The following CCDC91 variants were observed in gnomAD, a reference collection of about 807,000 sequenced individuals.
The protein encoded by CCDC91 is coiled-coil domain-containing protein 91.
Under a neutral mutation model 63.2 loss-of-function variants are expected in CCDC91, and 48 were observed. That is an observed-to-expected ratio of 0.76 (90% CI 0.60 to 0.97). The LOEUF (loss-of-function observed/expected upper bound fraction) is 0.97, where lower values mean the gene tolerates loss of function less well. Ranked by LOEUF, CCDC91 falls within the 50% of genes least tolerant of loss-of-function variation. CCDC91 has a pLI of 0.00. For synonymous variants in CCDC91, 167 were observed against 165.8 expected (o/e 1.01, Z -0.06); for missense variants, 500 against 494.6 (o/e 1.01, Z -0.10).
intron 12 of CCDC91, among the ~76,000 whole-genome samples, chr12:28,496,571 G>A (rs983336394): frequency 1.3e-4 from 20 of 151,590 alleles, no homozygotes; most frequent in Non-Finnish European, 1.2e-4. Context: ...AAGTTGCTGT[G>A]GTTACTGAAG....
At chr12:28,326,372 T>C (rs1405931519) in intron 6 of CCDC91, among the ~76,000 whole-genome samples, 1 of 135,712 alleles carries the variant, frequency 7.4e-6, no homozygotes, top group African/African-American at 2.6e-5. Context: ...TTTTTATTTT[T>C]ATTTTTTATG....
chr12:28,215,102 A>C (rs1318422684), intron 1 of CCDC91, among the ~76,000 whole-genome samples: 20 of 152,174 alleles, frequency 1.3e-4, no homozygotes, highest in Admixed American at 1.3e-3. Context: ...ATAATAAGAA[A>C]CTGCTACTTC....
chr12:28,225,525 AC>A (rs1944213180), intron 1 of CCDC91, among the ~76,000 whole-genome samples: 1 of 151,672 alleles, frequency 6.6e-6, no homozygotes, highest in Non-Finnish European at 1.5e-5. Flanking sequence ...ATCTCGGCTC[AC>A]TGCAACCTCC....
At chr12:28,259,835 A>G (rs890529872) in intron 3 of CCDC91, among the ~76,000 whole-genome samples, 2 of 151,946 alleles carry the variant, frequency 1.3e-5, no homozygotes, top group African/African-American at 2.4e-5. Context: ...TGTGTTTGCA[A>G]TAAAATTACT....
At chr12:28,228,989 G>C (rs1247265648) in intron 1 of CCDC91, among the ~76,000 whole-genome samples, 3 of 152,036 alleles carry the variant, frequency 2.0e-5, no homozygotes, top group Non-Finnish European at 4.4e-5. Flanking sequence ...CAACATAAAA[G>C]TATCTTATTT....
chr12:28,531,683 T>C (rs182110207), intron 12 of CCDC91, among the ~76,000 whole-genome samples: 15 of 152,344 alleles, frequency 9.8e-5, no homozygotes, highest in Admixed American at 8.5e-4. Context: ...CTTTAGTTTT[T>C]TGGAGCAATT....
At chr12:28,239,784 A>T (rs988229007) in intron 1 of CCDC91, among the ~76,000 whole-genome samples, 7 of 152,276 alleles carry the variant, frequency 4.6e-5, no homozygotes, top group Non-Finnish European at 5.9e-5. Flanking sequence ...ATAAATGAAA[A>T]AGAACTTATA....
intron 1 of CCDC91, among the ~76,000 whole-genome samples, chr12:28,248,750 G>A (rs1945926548): frequency 6.6e-6 from 1 of 152,166 alleles, no homozygotes; most frequent in Non-Finnish European, 1.5e-5. Flanking sequence ...GGAGGACACT[G>A]TATTTGAGGA....
At chr12:28,460,917 C>T (rs1304834989) in intron 11 of CCDC91, among the ~76,000 whole-genome samples, 1 of 151,838 alleles carries the variant, frequency 6.6e-6, no homozygotes, top group Admixed American at 6.6e-5. Flanking sequence ...GGGATACATT[C>T]TGAGAAATGC....
chr12:28,460,271 A>G (rs1445653376), intron 11 of CCDC91, among the ~76,000 whole-genome samples: 1 of 152,168 alleles, frequency 6.6e-6, no homozygotes, highest in East Asian at 1.9e-4. Context: ...TTTGCGTACT[A>G]GATGGAGCCC....
chr12:28,420,121 A>C (rs1191673125), intron 8 of CCDC91, among the ~76,000 whole-genome samples: 2 of 152,104 alleles, frequency 1.3e-5, no homozygotes, highest in Non-Finnish European at 2.9e-5. Flanking sequence ...TATTCAGTAA[A>C]ATTTAGGAAG....
intron 6 of CCDC91, among the ~76,000 whole-genome samples, chr12:28,329,884 T>A (rs1464606823): frequency 6.6e-6 from 1 of 152,124 alleles, no homozygotes; most frequent in Non-Finnish European, 1.5e-5. Context: ...TCTGTCCTTG[T>A]GATAGTTTGC....
rs142009986 is a variant in CCDC91, at chr12:28,530,915, A to G, written c.1216-18148A>G. ...CCAGTGCAACAGTGTTATGCCAGTTATAAGAGGGCTTGAGGCTCTCTCTCA... is the reference window on the plus strand; with the variant it reads ...CCAGTGCAACAGTGTTATGCCAGTTGTAAGAGGGCTTGAGGCTCTCTCTCA... On this transcript the variant is annotated intron_variant, in intron 12 of 12. Coordinates refer to ENST00000536442, the MANE Select transcript of CCDC91 (RefSeq NM_018318.5). 1.1e-4 allele frequency among the ~76,000 whole-genome samples: 17 copies of G among 152,286 alleles called. No homozygotes were observed. In the East Asian group the frequency reaches 3.3e-3, roughly 29 times the overall value.
At chr12:28,479,981 T>C (rs1485744030) in intron 11 of CCDC91, among the ~76,000 whole-genome samples, 3 of 152,022 alleles carry the variant, frequency 2.0e-5, no homozygotes, top group Non-Finnish European at 4.4e-5. Flanking sequence ...ATCTCCATGC[T>C]ATTATTGGTA....
chr12:28,468,430 G>A (rs756748836), intron 11 of CCDC91, among the ~76,000 whole-genome samples: 2 of 151,534 alleles, frequency 1.3e-5, no homozygotes, highest in African/African-American at 2.4e-5. Flanking sequence ...TAAGAAATAA[G>A]GAGATTAAAG....
chr12:28,528,781 A>T (rs1160139246), intron 12 of CCDC91, among the ~76,000 whole-genome samples: 1 of 152,038 alleles, frequency 6.6e-6, no homozygotes, highest in African/African-American at 2.4e-5. Context: ...TTGCCCTGTC[A>T]CTCAGGCTGG....
At chr12:28,548,200 C>T (rs1428280610) in intron 12 of CCDC91, among the ~76,000 whole-genome samples, 3 of 152,020 alleles carry the variant, frequency 2.0e-5, no homozygotes, top group Admixed American at 2.0e-4. Context: ...TTAAAACATC[C>T]TAATAAAACA....
At chr12:28,359,843 G>A (rs1331430291) in intron 6 of CCDC91, among the ~76,000 whole-genome samples, 2 of 152,118 alleles carry the variant, frequency 1.3e-5, no homozygotes, top group African/African-American at 4.8e-5. Flanking sequence ...TAGTATATGG[G>A]TTGGTGCTTT....
chr12:28,355,741 C>T (rs907274081), intron 6 of CCDC91, among the ~76,000 whole-genome samples: 7 of 152,076 alleles, frequency 4.6e-5, no homozygotes, highest in Admixed American at 3.9e-4. Context: ...AGGAGAATTC[C>T]AGGAGAAGTT....
Sources: gnomAD v4.1 joint callset for allele counts (sites outside exome capture counted in the v4.1 genomes callset) on GRCh38, gnomAD v4.1.1 for gene constraint, MANE v1.5 for transcripts, NCBI Gene and HGNC (gene_info 2026-07-23, HGNC 2026-07-21) for gene names.